SRBD1: variants seen among roughly 807,000 people sequenced by gnomAD.
The protein encoded by SRBD1 is S1 RNA binding domain 1, also known as S1 RNA-binding domain-containing protein 1.
In SRBD1, 88 loss-of-function variants were observed where a neutral mutation model predicts 115.3. The observed-to-expected ratio is 0.76, with a 90% CI of 0.64 to 0.91. SRBD1 has a LOEUF of 0.91. Ranked by LOEUF, SRBD1 falls within the 40% of genes least tolerant of loss-of-function variation. SRBD1 has a pLI of 0.00. For missense variants in SRBD1, 1,385 were observed against 1,177.4 expected (o/e 1.18, Z -2.58); for synonymous variants, 509 against 407.7 (o/e 1.25, Z -2.99).
At chr2:45,435,407 G>C (rs1668462943) in intron 16 of SRBD1, among the ~76,000 whole-genome samples, 1 of 151,972 alleles carries the variant, frequency 6.6e-6, no homozygotes, top group Admixed American at 6.6e-5. Flanking sequence ...TGGAGGTTGG[G>C]ATTCCTGAAG....
chr2:45,393,231 G>T, intron 19 of SRBD1, 102 bp from the exon 20 acceptor site: 19 of 1,183,028 alleles, frequency 1.6e-5, no homozygotes, highest in Non-Finnish European at 2.2e-5. Context: ...AGACCCATAG[G>T]TCAATCAATC....
intron 19 of SRBD1, among the ~76,000 whole-genome samples, chr2:45,399,926 G>A (rs577172152): frequency 5.3e-4 from 81 of 152,234 alleles, no homozygotes; most frequent in African/African-American, 1.8e-3. Context: ...TAAAAAAGTA[G>A]TATTTAAAAA....
At chr2:45,463,036 C>A (rs1015464315) in intron 16 of SRBD1, among the ~76,000 whole-genome samples, 1 of 141,662 alleles carries the variant, frequency 7.1e-6, no homozygotes, top group South Asian at 2.3e-4. Flanking sequence ...GGGGGGAAAT[C>A]TCTCTTGTCA....
intron 16 of SRBD1, among the ~76,000 whole-genome samples, chr2:45,428,044 T>C (rs1015053445): frequency 3.9e-5 from 6 of 152,166 alleles, no homozygotes; most frequent in African/African-American, 1.4e-4. Flanking sequence ...CAACAGAATA[T>C]ACATTCTTCT....
At chr2:45,508,863 GAATT>G (rs1670875412) in intron 14 of SRBD1, among the ~76,000 whole-genome samples, 1 of 152,084 alleles carries the variant, frequency 6.6e-6, no homozygotes, top group Admixed American at 6.5e-5. Flanking sequence ...TTCATGAAAC[GAATT>G]ATTTACAGTC....
intron 15 of SRBD1, among the ~76,000 whole-genome samples, chr2:45,484,040 T>A (rs983893077): frequency 1.3e-5 from 2 of 150,158 alleles, no homozygotes; most frequent in East Asian, 2.1e-4. Flanking sequence ...AAATAAATAA[T>A]TTTTTTTTTA....
At chr2:45,401,463 AGCCAG>A (rs1382268006) in intron 19 of SRBD1, among the ~76,000 whole-genome samples, 2 of 152,218 alleles carry the variant, frequency 1.3e-5, no homozygotes, top group African/African-American at 2.4e-5. Flanking sequence ...ATTTATCAAA[AGCCAG>A]GAACGAGTCT....
intron 10 of SRBD1, among the ~76,000 whole-genome samples, chr2:45,557,507 G>T (rs556547059): frequency 6.6e-6 from 1 of 152,308 alleles, no homozygotes; most frequent in Admixed American, 6.5e-5. Context: ...TCCTGGAACA[G>T]AGAGCTATGG....
intron 13 of SRBD1, among the ~76,000 whole-genome samples, chr2:45,547,155 T>A (rs138762686): frequency 1.3e-5 from 2 of 152,324 alleles, no homozygotes; most frequent in Admixed American, 6.5e-5. Flanking sequence ...ATCTAAGCCG[T>A]AATAAAGATA....
intron 14 of SRBD1, among the ~76,000 whole-genome samples, chr2:45,505,671 T>A (rs1256384639): frequency 6.6e-6 from 1 of 152,194 alleles, no homozygotes; most frequent in Non-Finnish European, 1.5e-5. Flanking sequence ...CTTAAGAGCT[T>A]CCTGAAAGTG....
At chr2:45,399,716 A>G (rs1667241834) in intron 19 of SRBD1, among the ~76,000 whole-genome samples, 2 of 152,136 alleles carry the variant, frequency 1.3e-5, no homozygotes, top group Non-Finnish European at 2.9e-5. Context: ...TATTTTTTAA[A>G]CCAAATTCAA....
intron 14 of SRBD1, among the ~76,000 whole-genome samples, chr2:45,524,743 C>T (rs1173741376): frequency 6.6e-6 from 1 of 151,956 alleles, no homozygotes; most frequent in Middle Eastern, 3.2e-3. Context: ...TCATTCAATG[C>T]AAAGGCCATC....
chr2:45,547,481 C>T, intron 13 of SRBD1, 41 bp downstream of exon 13: 8 of 1,561,316 alleles, frequency 5.1e-6, no homozygotes, highest in Non-Finnish European at 7.0e-6. Flanking sequence ...CTCTGGTTGA[C>T]TGAGCCACTG....
intron 1 of SRBD1, among the ~76,000 whole-genome samples, chr2:45,609,826 TTTTTA>T (rs911293507): frequency 1.1e-4 from 16 of 152,360 alleles, no homozygotes; most frequent in Admixed American, 4.6e-4. Flanking sequence ...TCTGTAATTA[TTTTTA>T]TTTTACTTGT....
chr2:45,556,694 C>A (rs1672489549), intron 10 of SRBD1, among the ~76,000 whole-genome samples: 1 of 151,976 alleles, frequency 6.6e-6, no homozygotes, highest in Admixed American at 6.5e-5. Flanking sequence ...AACTGCTGAC[C>A]TCAAGTGATC....
chr2:45,585,490 A>C, intron 5 of SRBD1, 118 bp downstream of exon 5: 1 of 1,114,800 alleles, frequency 9.0e-7, no homozygotes, highest in Non-Finnish European at 1.3e-6. Context: ...TATCCAGATT[A>C]CAATAATTCA....
At chr2:45,522,384 C>T (rs4425122) in intron 14 of SRBD1, among the ~76,000 whole-genome samples, 54,371 of 151,832 alleles carry the variant, frequency 0.36, 10,809 homozygotes, top group Non-Finnish European at 0.46. Context: ...TACCATATTG[C>T]GAGAGCTAAT....
intron 16 of SRBD1, among the ~76,000 whole-genome samples, chr2:45,449,875 C>T (rs529478002): frequency 3.3e-5 from 5 of 152,166 alleles, no homozygotes; most frequent in South Asian, 2.1e-4. Context: ...GCTGAGAAGG[C>T]GAAGACCAGT....
chr2:45,528,583 C>A (rs949705458), intron 14 of SRBD1, among the ~76,000 whole-genome samples: 1 of 151,834 alleles, frequency 6.6e-6, no homozygotes, highest in African/African-American at 2.4e-5. Flanking sequence ...ACTCTAGAGA[C>A]TAGCATAAGC....
Sources: gnomAD v4.1 joint callset for allele counts (sites outside exome capture counted in the v4.1 genomes callset) on GRCh38, gnomAD v4.1.1 for gene constraint, MANE v1.5 for transcripts, NCBI Gene and HGNC (gene_info 2026-07-23, HGNC 2026-07-21) for gene names.